The following CD44 variants were observed in gnomAD, a reference collection of about 807,000 sequenced individuals.
The protein encoded by CD44 is CD44 antigen.
CD44 carries 49 observed loss-of-function variants against 88.8 expected under a neutral mutation model. That is an observed-to-expected ratio of 0.55 (90% confidence interval 0.44 to 0.70). The LOEUF is 0.70. Among genes scored for constraint, CD44 ranks in the 30% least tolerant of loss-of-function variants. The pLI is 0.00. For synonymous variants in CD44, 325 were observed against 312.3 expected (o/e 1.04, Z -0.43); for missense variants, 883 against 913.8 (o/e 0.97, Z 0.43).
chr11:35,157,123 C>T (rs761681769), intron 1 of CD44, among the ~76,000 whole-genome samples: 4 of 152,198 alleles, frequency 2.6e-5, no homozygotes, highest in Non-Finnish European at 4.4e-5. Context: ...TATTCAATGC[C>T]TGGATCTTTT....
chr11:35,182,114 ATG>A (rs1222384679), intron 3 of CD44, among the ~76,000 whole-genome samples: 2 of 145,558 alleles, frequency 1.4e-5, no homozygotes, highest in Non-Finnish European at 3.0e-5. Flanking sequence ...TACCATATAT[ATG>A]GTAGTAAAAT....
intron 2 of CD44, chr11:35,177,072 A>T (rs1944537420): frequency 4.4e-6 from 1 of 226,152 alleles, no homozygotes. Flanking sequence ...AGAAAACATA[A>T]ACCAAATAAC....
chr11:35,229,331 T>C lies in CD44; in HGVS notation c.2227T>C (p.Ter743GlnextTer15). The change falls in exon 18 of 18, where the codon TAA becomes CAA. Residue 743 changes from the stop codon to glutamine (Q), a stop_lost. Coordinates refer to ENST00000428726, the MANE Select transcript of CD44 (RefSeq NM_000610.4). ...GAATGTGGACATGAAGATTGGGGTG[T>C]AACACCTACACCATTATCTTGGAAA... ...LQNVDMKIGV* is the reference protein window; with the variant it reads ...LQNVDMKIGVQ 1 of 1,596,270 alleles carries C rather than the reference T, an allele frequency of 6.3e-7. No individual in the cohort carries two copies. Among genetic ancestry groups the C allele is most frequent in the Non-Finnish European group, 8.6e-7 (1 of 1,164,046 alleles).
At chr11:35,169,397 G>A (rs1389859729) in intron 1 of CD44, among the ~76,000 whole-genome samples, 11 of 147,186 alleles carry the variant, frequency 7.5e-5, no homozygotes, top group Non-Finnish European at 1.6e-4. Context: ...GAAAACCAGA[G>A]ATGTTGCCCT....
intron 5 of CD44, among the ~76,000 whole-genome samples, chr11:35,193,003 G>A (rs1352078982): frequency 6.6e-6 from 1 of 151,950 alleles, no homozygotes; most frequent in Non-Finnish European, 1.5e-5. Flanking sequence ...AGGGTGGTGG[G>A]AATTATGCAT....
intron 3 of CD44, among the ~76,000 whole-genome samples, chr11:35,180,679 A>C (rs752471247): frequency 9.2e-5 from 14 of 152,224 alleles, no homozygotes; most frequent in Non-Finnish European, 1.9e-4. Context: ...CTTGGGCCCC[A>C]CATAAATTAC....
intron 1 of CD44, among the ~76,000 whole-genome samples, chr11:35,147,250 C>T (rs907198842): frequency 6.6e-6 from 1 of 152,182 alleles, no homozygotes; most frequent in Non-Finnish European, 1.5e-5. Flanking sequence ...CCCTTGGTTC[C>T]AGGGTCTTCT....
At chr11:35,201,547 G>GT in intron 8 of CD44, 124 bp from the exon 9 acceptor site, 1 of 1,201,670 alleles carries the variant, frequency 8.3e-7, no homozygotes, top group South Asian at 1.5e-5. Flanking sequence ...ATTTTTGAGA[G>GT]TGGATGCTCA....
chr11:35,142,639 G>A (rs1426697629), intron 1 of CD44, among the ~76,000 whole-genome samples: 1 of 152,228 alleles, frequency 6.6e-6, no homozygotes, highest in Non-Finnish European at 1.5e-5. Flanking sequence ...GTTGGGGCTA[G>A]CATCAACTAA....
intron 1 of CD44, among the ~76,000 whole-genome samples, chr11:35,152,741 G>T (rs75082631): frequency 0.07 from 10,688 of 152,170 alleles, 451 homozygotes; most frequent in Non-Finnish European, 0.09. Context: ...TCCTTATCTA[G>T]GTGGGCCCAG....
chr11:35,178,263 T>A (rs1944657367), intron 2 of CD44, among the ~76,000 whole-genome samples: 1 of 152,236 alleles, frequency 6.6e-6, no homozygotes, highest in South Asian at 2.1e-4. Flanking sequence ...TGCTGCCATG[T>A]GCTGAGGACC....
intron 9 of CD44, 98 bp from the exon 10 acceptor site, chr11:35,204,414 T>A (rs1277698942): frequency 5.3e-6 from 6 of 1,141,306 alleles, no homozygotes; most frequent in Non-Finnish European, 7.6e-6. Flanking sequence ...CTACCTTCCC[T>A]CCCCATGTGT....
At chr11:35,179,060 A>C (rs572574103) in intron 2 of CD44, among the ~76,000 whole-genome samples, 1 of 152,204 alleles carries the variant, frequency 6.6e-6, no homozygotes, top group Non-Finnish European at 1.5e-5. Context: ...TGCCAAGCTA[A>C]GGAGGCTTTG....
In CD44 at chr11:35,139,242, T is replaced by A. The variant is rs527704553; in HGVS notation, c.-62T>A. 7.2e-7 allele frequency: 1 copy of A among 1,385,714 alleles called. No homozygotes were observed. Among genetic ancestry groups the A allele is most frequent in the South Asian group, 1.2e-5 (1 of 80,628 alleles). 85.8% of individuals were successfully genotyped at this position (1,385,714 alleles called of 1,614,324 possible). On this transcript the variant is annotated 5_prime_UTR_variant, in exon 1 of 18. Transcript: ENST00000428726. ...CCTCGTCCCGTCCTCCGCCGGCCCCTGCCCCGCGCCCAGGGATCCTCCAGC... is the reference window on the plus strand; with the variant it reads ...CCTCGTCCCGTCCTCCGCCGGCCCCAGCCCCGCGCCCAGGGATCCTCCAGC...
Position 35,214,897 on chromosome 11 carries a change from A to G in CD44, c.1856A>G (p.His619Arg), listed in dbSNP as rs761262051. 4.5e-6 allele frequency: 7 copies of G among 1,559,568 alleles called. No individual in the cohort carries two copies. The East Asian group carries it at 1.2e-4, about 27-fold the overall frequency. The part of the protein sequence containing the change: ...FHPSGGSHTT[H>R]GSESDGHSHG... ...CCCAGTGGGGGGTCCCATACCACTC[A>G]TGGATCTGAATCAGATGGTGAGTTC... Residue 619 changes from histidine (H) to arginine (R), a missense_variant, in exon 15 of 18, where the codon CAT becomes CGT. Transcript: ENST00000428726.
rs139629241 is a variant in CD44, at chr11:35,167,005, A to C, written c.68-9570A>C. On this transcript the variant is annotated intron_variant, in intron 1 of 17. Transcript: ENST00000428726. ...AGGAGATGGGGGCGAGTGATGTGCCAGCCTTCTAGACTGGCAGGCCTGGGG... is the reference window on the plus strand; with the variant it reads ...AGGAGATGGGGGCGAGTGATGTGCCCGCCTTCTAGACTGGCAGGCCTGGGG... 2.6e-4 allele frequency among the ~76,000 whole-genome samples: 39 copies of C among 152,238 alleles called. 1 individual carries two copies. Among genetic ancestry groups the C allele is most frequent in the Non-Finnish European group, 1.3e-4 (9 of 68,040 alleles).
In CD44 at chr11:35,196,272, T is replaced by C. The variant is rs117723018; in HGVS notation, c.668-474T>C. On this transcript the variant is annotated intron_variant, in intron 5 of 17. Transcript: ENST00000428726. ...GTTCATTGTTGGATAGTTCAGATTA[T>C]TGGTTTTTTAAATCCAACATTTGGA... 6.7e-4 allele frequency among the ~76,000 whole-genome samples: 102 copies of C among 152,372 alleles called. 2 individuals carry two copies. The East Asian group carries it at 0.016, about 24-fold the overall frequency.
At chr11:35,181,893 TA>T (rs1427116562) in intron 3 of CD44, among the ~76,000 whole-genome samples, 52 of 75,704 alleles carry the variant, frequency 6.9e-4, no homozygotes, top group African/African-American at 3.0e-3. Context: ...ATTCTATATA[TA>T]ATATAATATA....
At chr11:35,144,955 C>G (rs76298644) in intron 1 of CD44, among the ~76,000 whole-genome samples, 1 of 152,214 alleles carries the variant, frequency 6.6e-6, no homozygotes, top group African/African-American at 2.4e-5. Context: ...CCTCCCCTCT[C>G]CATTGCTCAA....
Sources: allele counts gnomAD v4.1 joint callset (sites outside exome capture counted in the v4.1 genomes callset), GRCh38; gene constraint gnomAD v4.1.1; transcripts MANE v1.5; gene names NCBI Gene and HGNC (gene_info 2026-07-23, HGNC 2026-07-21).